The following ARMC3 variants were observed in gnomAD, a reference collection of about 807,000 sequenced individuals.
ARMC3 encodes the protein armadillo repeat-containing protein 3.
Under a neutral mutation model 90.3 loss-of-function variants are expected in ARMC3, and 74 were observed. The observed-to-expected ratio is 0.82, with a 90% confidence interval of 0.68 to 0.99. The LOEUF (loss-of-function observed/expected upper bound fraction) is 0.99. ARMC3 is among the 50% of genes least tolerant of loss of function. The pLI is 0.00. For missense variants in ARMC3, 958 were observed against 1,042.8 expected, an observed-to-expected ratio of 0.92 and a Z score of 1.12; for synonymous variants, 334 against 361.8, an observed-to-expected ratio of 0.92 and a Z score of 0.87.
At chr10:22,947,346 A>G (rs74320789) in intron 3 of ARMC3, among the ~76,000 whole-genome samples, 28,115 of 151,646 alleles carry the variant, frequency 0.19, 2,723 homozygotes, top group South Asian at 0.22. Flanking sequence ...AACAGAAAAC[A>G]AACCACCAAC....
At chr10:23,027,727 A>G (rs1838768035) in intron 16 of ARMC3, among the ~76,000 whole-genome samples, 1 of 151,978 alleles carries the variant, frequency 6.6e-6, no homozygotes, top group African/African-American at 2.4e-5. Context: ...TCTTTATTCA[A>G]TGTGTTTTTT....
At chr10:23,015,996 C>T (rs7901070) in intron 16 of ARMC3, among the ~76,000 whole-genome samples, 9 of 152,222 alleles carry the variant, frequency 5.9e-5, no homozygotes, top group South Asian at 2.1e-4. Context: ...CAAAGAAATA[C>T]ACACACTCAC....
intron 6 of ARMC3, chr10:22,961,233 T>A (rs1415556828): frequency 6.6e-6 from 1 of 152,202 alleles, no homozygotes; most frequent in Non-Finnish European, 1.5e-5. Context: ...TACCATGTTT[T>A]GATCAAAGGT....
intron 16 of ARMC3, among the ~76,000 whole-genome samples, chr10:23,016,279 C>G (rs1838268005): frequency 6.6e-6 from 1 of 152,176 alleles, no homozygotes; most frequent in South Asian, 2.1e-4. Flanking sequence ...CTGTATTTCT[C>G]CCACCAGCCT....
At chr10:22,933,833 T>C (rs901406638) in intron 2 of ARMC3, among the ~76,000 whole-genome samples, 4 of 152,252 alleles carry the variant, frequency 2.6e-5, no homozygotes, top group Admixed American at 6.5e-5. Flanking sequence ...TGCAGTGAGC[T>C]GAGATCCCAC....
Position 22,946,142 on chromosome 10 carries a change from A to G in ARMC3, c.49-2A>G. On this transcript the variant is annotated splice_acceptor_variant, in intron 2 of 18. Coordinates refer to ENST00000298032, the MANE Select transcript of ARMC3 (RefSeq NM_173081.5). LOFTEE classifies it high-confidence loss of function. The stretch of plus-strand genomic sequence containing the variant: ...ACTGATAGTTTTCTTTCTGCCTTTC[A>G]GTTTGACCCATTAATGATTGAAAGC... The G allele has an allele frequency of 4.4e-6, 7 of 1,589,148 alleles. No homozygotes were observed. Among genetic ancestry groups the G allele is most frequent in the Non-Finnish European group, 6.0e-6 (7 of 1,162,902 alleles).
At chr10:23,021,470 A>C (rs539604164) in intron 16 of ARMC3, among the ~76,000 whole-genome samples, 37 of 152,292 alleles carry the variant, frequency 2.4e-4, no homozygotes, top group Non-Finnish European at 4.6e-4. Flanking sequence ...CCTTGCCAAC[A>C]TCTGTTAATT....
intron 16 of ARMC3, among the ~76,000 whole-genome samples, chr10:23,012,840 C>T (rs1185112127): frequency 6.6e-6 from 1 of 151,984 alleles, no homozygotes; most frequent in Non-Finnish European, 1.5e-5. Context: ...GCATAGCCCT[C>T]CATAAACCCG....
At chr10:22,942,601 G>T (rs551720132) in intron 2 of ARMC3, among the ~76,000 whole-genome samples, 1 of 152,288 alleles carries the variant, frequency 6.6e-6, no homozygotes, top group East Asian at 1.9e-4. Context: ...TGTTGGTGAG[G>T]ATGTAGAGCA....
rs769301977 is a variant in ARMC3, at chr10:22,998,356, G to T, written c.1384G>T (p.Ala462Ser). ...NTVVQSKAALAVTATACDVEA... is the reference protein window; with the variant it reads ...NTVVQSKAALSVTATACDVEA... ...AGTCGTGCAGAGCAAAGCTGCTCTC[G>T]CTGTCACCGCAACTGCGTGTGACGT... The change falls in exon 11 of 19, where the codon GCT (alanine) becomes TCT (serine). Residue 462 changes from alanine to serine, a missense_variant. By Grantham distance (99) the Ala-to-Ser change is moderately conservative. Coordinates refer to ENST00000298032, the MANE Select transcript of ARMC3 (RefSeq NM_173081.5). 6.8e-6 allele frequency: 11 copies of T among 1,613,916 alleles called. No individual in the cohort carries two copies. The highest frequency in any genetic ancestry group is 1.1e-5 in the South Asian group (1 of 91,050).
intron 16 of ARMC3, among the ~76,000 whole-genome samples, chr10:23,012,812 G>A (rs1401225440): frequency 2.0e-5 from 3 of 151,382 alleles, no homozygotes; most frequent in Non-Finnish European, 4.4e-5. Context: ...TTATCGTACT[G>A]TAAATCCTCC....
chr10:23,031,132 T>A (rs1838910848), intron 17 of ARMC3: 1 of 205,540 alleles, frequency 4.9e-6, no homozygotes, highest in Admixed American at 5.3e-5. Flanking sequence ...GTGGATGGGG[T>A]GTTCATAAGT....
At position 23,004,810 on chromosome 10, in the gene ARMC3, G is replaced by T. The variant is rs7072923; in HGVS notation, c.1731+1396G>T. Among the ~76,000 whole-genome samples, 600 of 152,120 alleles carry T rather than the reference G, an allele frequency of 3.9e-3. 8 individuals are homozygous for T. The highest frequency in any genetic ancestry group is 0.013 in the African/African-American group (530 of 41,490). ...TCCCCCACCTCCTGCCACCACTGCC[G>T]TACTCCATAACACACACAAACCACT... is the stretch of plus-strand genomic sequence containing the variant. On this transcript the variant is annotated intron_variant, in intron 13 of 18. Coordinates refer to ENST00000298032, the MANE Select transcript of ARMC3 (RefSeq NM_173081.5).
At chr10:23,035,208 T>A (rs1417439244) in intron 18 of ARMC3, among the ~76,000 whole-genome samples, 1 of 152,146 alleles carries the variant, frequency 6.6e-6, no homozygotes, top group Non-Finnish European at 1.5e-5. Flanking sequence ...AGAGCAAGCA[T>A]GCTCTCCTGT....
intron 14 of ARMC3, among the ~76,000 whole-genome samples, chr10:23,007,570 G>A (rs1284728495): frequency 2.0e-5 from 3 of 151,942 alleles, no homozygotes; most frequent in Non-Finnish European, 2.9e-5. Context: ...GGTGGCGCAC[G>A]CCTGTAATCC....
chr10:22,976,343 T>C (rs965037850), intron 8 of ARMC3, among the ~76,000 whole-genome samples: 16 of 152,364 alleles, frequency 1.1e-4, no homozygotes, highest in African/African-American at 3.4e-4. Flanking sequence ...CTTCTGTTTC[T>C]GCCATTCTGC....
intron 2 of ARMC3, among the ~76,000 whole-genome samples, chr10:22,939,200 A>G (rs985115842): frequency 5.3e-5 from 8 of 152,224 alleles, no homozygotes; most frequent in African/African-American, 1.9e-4. Context: ...AAGAGCTTCA[A>G]GAAATCAGAG....
Position 23,032,470 on chromosome 10 carries a change from G to A in ARMC3, c.2247-391G>A, listed in dbSNP as rs72812501. Among the ~76,000 whole-genome samples the A allele has an allele frequency of 3.9e-3, 587 of 151,950 alleles. 3 individuals carry two copies. Among genetic ancestry groups the A allele is most frequent in the Middle Eastern group, 0.01 (3 of 294 alleles). On this transcript the variant is annotated intron_variant, in intron 17 of 18. Transcript: ENST00000298032. ...AGTTTAAATTCCTTGAAAGAATAAC[G>A]GTATGTTACTTCAACTCCTTCCTTG...
intron 7 of ARMC3, among the ~76,000 whole-genome samples, chr10:22,965,874 CT>C (rs1835418152): frequency 6.6e-6 from 1 of 152,140 alleles, no homozygotes; most frequent in Non-Finnish European, 1.5e-5. Context: ...CTCTATTGAG[CT>C]TTCCTCTGTG....
Sources: gnomAD v4.1 joint callset for allele counts (sites outside exome capture counted in the v4.1 genomes callset) on GRCh38, gnomAD v4.1.1 for gene constraint, MANE v1.5 for transcripts, NCBI Gene and HGNC (gene_info 2026-07-23, HGNC 2026-07-21) for gene names.